ZFYVE26: variants seen among roughly 807,000 people sequenced by gnomAD.
ZFYVE26 encodes the protein zinc finger FYVE domain-containing protein 26.
In ZFYVE26, 181 loss-of-function variants were observed where a neutral mutation model predicts 276.5. The ratio of observed to expected loss-of-function variants is 0.65; its 90% CI spans 0.58 to 0.74. ZFYVE26 has a LOEUF of 0.74. Ranked by LOEUF, ZFYVE26 falls within the 30% of genes least tolerant of loss-of-function variation. The pLI is 0.00. For missense variants in ZFYVE26, 2,821 were observed against 3,097.9 expected (o/e 0.91, Z 2.12); for synonymous variants, 1,129 against 1,203.1 (o/e 0.94, Z 1.27).
Position 67,805,288 on chromosome 14 carries a change from C to G in ZFYVE26, c.1200G>C (p.Glu400Asp). 1.2e-6 allele frequency: 2 copies of G among 1,614,140 alleles called. No homozygotes were observed. The highest frequency in any genetic ancestry group is 1.7e-6 in the Non-Finnish European group (2 of 1,180,018). ...ACCCATCACAGGCATCCCTGAGGAG[C>G]TCATCACAGCCTGGGCCCTATGTTG... ...LHRTQGPGCD[E>D]LLRDACDGLW... The change falls in exon 8 of 42, where the codon GAG (glutamate) becomes GAC (aspartate). Residue 400 changes from glutamate to aspartate, a missense_variant. Physicochemically the swap from Glu to Asp is conservative, Grantham distance 45. Coordinates refer to ENST00000347230, the MANE Select transcript of ZFYVE26 (RefSeq NM_015346.4).
intron 16 of ZFYVE26, 147 bp from the exon 17 acceptor site, chr14:67,786,380 C>A: frequency 9.5e-7 from 1 of 1,055,428 alleles, no homozygotes. Flanking sequence ...TGGGTGACAA[C>A]CAGTATACTT....
intron 27 of ZFYVE26, among the ~76,000 whole-genome samples, chr14:67,774,404 C>A (rs1391907773): frequency 6.6e-6 from 1 of 152,024 alleles, no homozygotes; most frequent in African/African-American, 2.4e-5. Context: ...GAGGCTTAGG[C>A]AGAAGAATTG....
chr14:67,777,505 C>G, intron 25 of ZFYVE26, 54 bp downstream of exon 25: 3 of 1,612,028 alleles, frequency 1.9e-6, no homozygotes, highest in Non-Finnish European at 2.5e-6. Flanking sequence ...ACCTCCTTTT[C>G]CTCCTTACCT....
intron 35 of ZFYVE26, chr14:67,760,756 C>T (rs573599053): frequency 4.6e-4 from 76 of 166,298 alleles, no homozygotes; most frequent in Admixed American, 9.5e-4. Flanking sequence ...AAATGGGTCA[C>T]GGTAAAACGA....
intron 13 of ZFYVE26, among the ~76,000 whole-genome samples, chr14:67,732,585 C>CT (rs1182301371): frequency 1.4e-5 from 2 of 147,180 alleles, no homozygotes; most frequent in Admixed American, 6.8e-5. Context: ...ATAGACTTTT[C>CT]TTTTTTTTGA....
rs574520263 is a variant in ZFYVE26 at position 67,813,553 on chromosome 14, T to C, written c.273+433A>G. On this transcript the variant is annotated intron_variant, in intron 3 of 41. Coordinates refer to ENST00000347230, the MANE Select transcript of ZFYVE26 (RefSeq NM_015346.4). ...TTTTCTGTTCAATTCATGTGAATTA[T>C]TAAACTATGAATTAATGGAATTTGA... Among the ~76,000 whole-genome samples the C allele has an allele frequency of 1.5e-4, 23 of 152,320 alleles. No homozygotes were observed. In the South Asian group the frequency reaches 1.7e-3, roughly 11 times the overall value.
chr14:67,748,728 G>A (rs2038555304), intron 41 of ZFYVE26, 89 bp from the exon 42 acceptor site: 3 of 1,384,098 alleles, frequency 2.2e-6, no homozygotes, highest in Non-Finnish European at 2.0e-6. Context: ...CGGGCAGACA[G>A]ACACCATGTC....
chr14:67,813,380 A>C (rs1398747447), intron 3 of ZFYVE26, among the ~76,000 whole-genome samples: 1 of 152,212 alleles, frequency 6.6e-6, no homozygotes, highest in Non-Finnish European at 1.5e-5. Context: ...AAAATGTCTC[A>C]GAGTAATTCT....
rs17104691 is a variant in ZFYVE26 at position 67,807,284 on chromosome 14, G to A, written c.886+114C>T. On this transcript the variant is annotated intron_variant, in intron 5 of 41. Coordinates refer to ENST00000347230, the MANE Select transcript of ZFYVE26 (RefSeq NM_015346.4). ...AGAGCATCGCACCCATTTTTGCTTA[G>A]CCTCCCCTATTAGATGTCCTGAGCC... 2.0e-3 allele frequency: 2,883 copies of A among 1,427,012 alleles called. 59 individuals are homozygous for A. In the African/African-American group the frequency reaches 0.037, roughly 18 times the overall value. 88.4% of individuals were successfully genotyped at this position (1,427,012 alleles called of 1,614,324 possible). A position where few individuals can be genotyped will look rare whatever the true frequency, so the allele number is the denominator to read the frequency against.
intron 32 of ZFYVE26, among the ~76,000 whole-genome samples, chr14:67,765,244 G>A (rs1458413335): frequency 1.3e-5 from 2 of 151,888 alleles, no homozygotes; most frequent in Non-Finnish European, 2.9e-5. Flanking sequence ...CAACCTTCTA[G>A]TTTTTGTTAC....
chr14:67,783,399 A>G lies in ZFYVE26; in HGVS notation c.3753T>C (p.Thr1251=). ...RQSQQTSSLL[T]RLGTLAQLHA... ...GTAGCTGGGCCAGAGTACCCAGACG[A>G]GTCAGGAGGGAGGAGGTCTGCTGGC... Residue 1251 remains threonine (T), a synonymous_variant, in exon 21 of 42, where the codon ACT becomes ACC. Transcript: ENST00000347230. 2 of 1,614,140 alleles carry G rather than the reference A, an allele frequency of 1.2e-6. No homozygotes were observed. The highest frequency in any genetic ancestry group is 1.7e-6 in the Non-Finnish European group (2 of 1,180,032).
At chr14:67,775,737 T>G in intron 26 of ZFYVE26, 123 bp downstream of exon 26, 1 of 1,374,946 alleles carries the variant, frequency 7.3e-7, no homozygotes. Context: ...ATAGCTCTTC[T>G]GAAGTGTATT....
At chr14:67,765,719 G>C (rs2039037802) in intron 32 of ZFYVE26, among the ~76,000 whole-genome samples, 2 of 152,254 alleles carry the variant, frequency 1.3e-5, no homozygotes, top group East Asian at 3.9e-4. Flanking sequence ...TCTACTTTAT[G>C]ACCCCAGTTC....
chr14:67,780,713 C>A (rs1277470520), intron 22 of ZFYVE26, among the ~76,000 whole-genome samples: 3 of 152,210 alleles, frequency 2.0e-5, no homozygotes, highest in Non-Finnish European at 2.9e-5. Context: ...TTTCATACAA[C>A]ATTTTAGCTC....
At position 67,777,718 on chromosome 14, in the gene ZFYVE26, A is replaced by C. The variant is rs747709124; in HGVS notation, c.4815T>G (p.Pro1605=). 6.2e-7 allele frequency: 1 copy of C among 1,614,236 alleles called. No individual in the cohort carries two copies. The highest frequency in any genetic ancestry group is 8.5e-7 in the Non-Finnish European group (1 of 1,180,034). The change falls in exon 25 of 42, where the codon CCT becomes CCG. Residue 1605 remains proline (P), a synonymous_variant. Transcript: ENST00000347230. ...TCACTTCAAGGCACATGGTGGGGTC[A>C]GGGATTCTTCGCAGGAGCTATTGTC... The part of the protein sequence containing the change: ...DKALQLLRRI[P]DPTMCLEVTE...
At chr14:67,741,612 G>A (rs1003828270), downstream of ZFYVE26, among the ~76,000 whole-genome samples, 9 of 152,174 alleles carry the variant, frequency 5.9e-5, no homozygotes, top group Admixed American at 2.6e-4. Flanking sequence ...GAACATATGA[G>A]AATTCTGCCT....
Position 67,753,823 on chromosome 14 carries a change from G to T in ZFYVE26, c.7129-57C>A. The T allele has an allele frequency of 1.9e-6, 3 of 1,587,042 alleles. No individual in the cohort carries two copies. The South Asian group carries it at 3.4e-5, about 18-fold the overall frequency. ...ATGGCAATTACTAGAGAATACTCTT[G>T]ACCAAGAATGAAGGCCTCTATTTAT... On this transcript the variant is annotated intron_variant, in intron 38 of 41. Transcript: ENST00000347230.
rs146594401 is a variant in ZFYVE26 at position 67,766,919 on chromosome 14, G to A, written c.5791-472C>T. Reference sequence around the variant, plus strand: ...GGATTTCACCATGTTGCCCAGGCTGGTCTCAAACTCCTGGGCTCAAGCGAT... The same window carrying A: ...GGATTTCACCATGTTGCCCAGGCTGATCTCAAACTCCTGGGCTCAAGCGAT... On this transcript the variant is annotated intron_variant, in intron 31 of 41. Transcript: ENST00000347230. 6.6e-3 allele frequency among the ~76,000 whole-genome samples: 997 copies of A among 152,146 alleles called. 8 individuals are homozygous for A. The highest frequency in any genetic ancestry group is 0.011 in the Non-Finnish European group (758 of 67,990).
At chr14:67,761,992 CT>C (rs887652860) in intron 34 of ZFYVE26, 66 of 603,618 alleles carry the variant, frequency 1.1e-4, no homozygotes, top group Non-Finnish European at 1.7e-4. Context: ...AAATTGTCTC[CT>C]TTTTTTAAAA....
Sources: gnomAD v4.1 joint callset for allele counts (sites outside exome capture counted in the v4.1 genomes callset) on GRCh38, gnomAD v4.1.1 for gene constraint, MANE v1.5 for transcripts, NCBI Gene and HGNC (gene_info 2026-07-23, HGNC 2026-07-21) for gene names.